Variants in TNIK observed in about 807,000 individuals in gnomAD.
TNIK encodes the protein TRAF2 and NCK-interacting protein kinase.
A neutral mutation model predicts 191.3 loss-of-function variants in TNIK; 49 were observed. That is an observed-to-expected ratio of 0.26 (90% confidence interval 0.20 to 0.32). The LOEUF is 0.32. Ranked by LOEUF, TNIK falls within the 10% of genes least tolerant of loss-of-function variation. TNIK has a pLI of 1.00. For synonymous variants in TNIK, 594 were observed against 600.9 expected, an observed-to-expected ratio of 0.99 and a Z score of 0.17; for missense variants, 1,155 against 1,702.3, an observed-to-expected ratio of 0.68 and a Z score of 5.66.
chr3:171,259,557 A>C (rs1375673428), intron 2 of TNIK, among the ~76,000 whole-genome samples: 3 of 152,188 alleles, frequency 2.0e-5, no homozygotes, highest in Non-Finnish European at 4.4e-5. Flanking sequence ...CACGTTGGAA[A>C]GACCTTAACA....
intron 1 of TNIK, among the ~76,000 whole-genome samples, chr3:171,391,187 C>G (rs1218177391): frequency 6.6e-6 from 1 of 152,160 alleles, no homozygotes; most frequent in Non-Finnish European, 1.5e-5. Flanking sequence ...TGTCTTTCAT[C>G]TAGACTGTAA....
intron 23 of TNIK, among the ~76,000 whole-genome samples, chr3:171,090,750 A>C (rs1195597476): frequency 6.6e-6 from 1 of 152,188 alleles, no homozygotes; most frequent in Non-Finnish European, 1.5e-5. Flanking sequence ...ACCGAGTAAA[A>C]AGTGGTCCTG....
intron 2 of TNIK, among the ~76,000 whole-genome samples, chr3:171,275,295 C>A (rs1749593165): frequency 1.3e-5 from 2 of 152,166 alleles, no homozygotes; most frequent in African/African-American, 4.8e-5. Flanking sequence ...AATAGCCAAT[C>A]ATGGTTACCA....
At chr3:171,153,052 G>A (rs1732679277) in intron 12 of TNIK, among the ~76,000 whole-genome samples, 1 of 152,090 alleles carries the variant, frequency 6.6e-6, no homozygotes, top group African/African-American at 2.4e-5. Flanking sequence ...ATTACAGTGG[G>A]CGTGAGCCAC....
chr3:171,069,696 A>G (rs144152386), intron 29 of TNIK, among the ~76,000 whole-genome samples: 16 of 152,342 alleles, frequency 1.1e-4, no homozygotes, highest in African/African-American at 3.6e-4. Flanking sequence ...CCAAGCCCCA[A>G]CTAACTGTCA....
chr3:171,103,410 A>G (rs1723937574), intron 21 of TNIK, among the ~76,000 whole-genome samples: 2 of 152,184 alleles, frequency 1.3e-5, no homozygotes, highest in African/African-American at 4.8e-5. Context: ...CTGAATTTCA[A>G]CTTTTACTTC....
intron 1 of TNIK, among the ~76,000 whole-genome samples, chr3:171,391,239 CAT>C (rs1340440176): frequency 2.6e-5 from 4 of 152,152 alleles, no homozygotes; most frequent in Non-Finnish European, 4.4e-5. Context: ...TTATCATCTC[CAT>C]GTGTGTGTGT....
chr3:171,283,440 G>A (rs1453428935), intron 2 of TNIK, among the ~76,000 whole-genome samples: 1 of 152,144 alleles, frequency 6.6e-6, no homozygotes, highest in Non-Finnish European at 1.5e-5. Context: ...CATTCACTTA[G>A]GGGAATTTCA....
At chr3:171,198,385 T>G (rs13317421) in intron 4 of TNIK, among the ~76,000 whole-genome samples, 52,213 of 151,918 alleles carry the variant, frequency 0.34, 9,284 homozygotes, top group East Asian at 0.56. Context: ...AGGGACTGGG[T>G]GTAGGGGGTA....
intron 1 of TNIK, among the ~76,000 whole-genome samples, chr3:171,384,094 T>C (rs911636823): frequency 2.6e-5 from 4 of 152,198 alleles, no homozygotes; most frequent in Non-Finnish European, 5.9e-5. Flanking sequence ...AGTCCTTTTG[T>C]CCCATCTTTG....
chr3:171,258,423 G>A (rs1747159452), intron 2 of TNIK, among the ~76,000 whole-genome samples: 1 of 152,128 alleles, frequency 6.6e-6, no homozygotes, highest in Non-Finnish European at 1.5e-5. Context: ...CCTAGGAGAT[G>A]GGAGGATGAC....
intron 2 of TNIK, among the ~76,000 whole-genome samples, chr3:171,245,673 T>G (rs749153670): frequency 3.9e-5 from 6 of 152,184 alleles, no homozygotes; most frequent in Non-Finnish European, 8.8e-5. Context: ...TGTGTACTAA[T>G]TTTTACAGTT....
intron 1 of TNIK, among the ~76,000 whole-genome samples, chr3:171,381,957 G>C (rs1718084104): frequency 6.6e-6 from 1 of 152,186 alleles, no homozygotes; most frequent in South Asian, 2.1e-4. Flanking sequence ...GACGATCATG[G>C]AGCTACCATG....
chr3:171,217,120 T>G (rs1055264264), intron 3 of TNIK, among the ~76,000 whole-genome samples: 1 of 152,144 alleles, frequency 6.6e-6, no homozygotes, highest in Admixed American at 6.6e-5. Context: ...GCAGCACTAT[T>G]CACAATAGCA....
At chr3:171,448,256 T>C (rs1271489249) in intron 1 of TNIK, among the ~76,000 whole-genome samples, 1 of 152,186 alleles carries the variant, frequency 6.6e-6, no homozygotes, top group Admixed American at 6.5e-5. Context: ...TACAAACATC[T>C]GCACTATCTA....
chr3:171,182,272 A>C (rs1736763772), intron 7 of TNIK, among the ~76,000 whole-genome samples: 1 of 145,862 alleles, frequency 6.9e-6, no homozygotes, highest in African/African-American at 2.5e-5. Flanking sequence ...TGTAAGCTAC[A>C]CTCAACTGCC....
chr3:171,458,547 C>T (rs79075817), intron 1 of TNIK, among the ~76,000 whole-genome samples: 2,679 of 152,256 alleles, frequency 0.018, 75 homozygotes, highest in African/African-American at 0.057. Context: ...AAGACTTATT[C>T]AAAGAGATGT....
chr3:171,397,868 G>T (rs1349354259), intron 1 of TNIK, among the ~76,000 whole-genome samples: 2 of 152,002 alleles, frequency 1.3e-5, no homozygotes, highest in African/African-American at 2.4e-5. Flanking sequence ...CTGTGGTCTA[G>T]ATTTACAACA....
chr3:171,257,932 A>G (rs1347964674), intron 2 of TNIK, among the ~76,000 whole-genome samples: 1 of 152,204 alleles, frequency 6.6e-6, no homozygotes, highest in Non-Finnish European at 1.5e-5. Flanking sequence ...GATGAATCTC[A>G]TTCCTGAGGT....
Sources: allele counts gnomAD v4.1 joint callset (sites outside exome capture counted in the v4.1 genomes callset), GRCh38; gene constraint gnomAD v4.1.1; transcripts MANE v1.5; gene names NCBI Gene and HGNC (gene_info 2026-07-23, HGNC 2026-07-21).